The following PRKG1 variants were observed in gnomAD, a reference collection of about 807,000 sequenced individuals.
The protein encoded by PRKG1 is cGMP-dependent protein kinase 1.
A neutral mutation model predicts 88.1 loss-of-function variants in PRKG1; 35 were observed. The ratio of observed to expected loss-of-function variants is 0.40; its 90% CI spans 0.30 to 0.53. The LOEUF is 0.53. Ranked by LOEUF, PRKG1 falls within the 20% of genes least tolerant of loss-of-function variation. The pLI is 0.59. For synonymous variants in PRKG1, 303 were observed against 292.5 expected (o/e 1.04, Z -0.37); for missense variants, 540 against 839.8 (o/e 0.64, Z 4.41).
At chr10:52,012,543 C>T (rs574209366) in intron 5 of PRKG1, among the ~76,000 whole-genome samples, 246 of 151,916 alleles carry the variant, frequency 1.6e-3, no homozygotes, top group Non-Finnish European at 2.5e-3. Flanking sequence ...CGCCCAGCCG[C>T]GCCCAGCTAA....
rs563892175 is a variant in PRKG1, at chr10:51,691,363, A to G, written c.593-113222A>G. ...TGCTCTGTCACCCAGGCTGGAGTGC[A>G]GTGGCGAGATCCCGGCTCACTGCAG... On this transcript the variant is annotated intron_variant, in intron 3 of 17. Transcript: ENST00000373980. Among the ~76,000 whole-genome samples, 275 of 146,546 alleles carry G rather than the reference A, an allele frequency of 1.9e-3. 1 individual carries two copies. Among genetic ancestry groups the G allele is most frequent in the Middle Eastern group, 0.018 (5 of 278 alleles).
chr10:51,525,560 T>TG (rs1282594167), intron 3 of PRKG1, among the ~76,000 whole-genome samples: 1 of 151,948 alleles, frequency 6.6e-6, no homozygotes, highest in Non-Finnish European at 1.5e-5. Flanking sequence ...TAGCCGGGTG[T>TG]GGTGGCGGGG....
rs567706329 is a variant in PRKG1, at chr10:52,239,790, G to A, written c.1077-11780G>A. On this transcript the variant is annotated intron_variant, in intron 9 of 17. Coordinates refer to ENST00000373980, the MANE Select transcript of PRKG1 (RefSeq NM_006258.4). ...TTCCCAAACTTCTGTAACGAGTGAT[G>A]GATATGCTCAGAGAAGCAATTATTA... Among the ~76,000 whole-genome samples, 11 of 152,182 alleles carry A rather than the reference G, an allele frequency of 7.2e-5. No individual in the cohort carries two copies. The South Asian group carries it at 1.9e-3, about 26-fold the overall frequency.
chr10:51,091,323 A>G (rs1293110692), intron 1 of PRKG1, among the ~76,000 whole-genome samples: 1 of 152,132 alleles, frequency 6.6e-6, no homozygotes, highest in Non-Finnish European at 1.5e-5. Context: ...ACCACAATCC[A>G]GTTTTGGAAC....
chr10:52,195,582 G>A (rs1390184631), intron 9 of PRKG1, among the ~76,000 whole-genome samples: 1 of 152,052 alleles, frequency 6.6e-6, no homozygotes, highest in East Asian at 1.9e-4. Flanking sequence ...ACACAAGCGT[G>A]TTTTTAAAAA....
intron 5 of PRKG1, among the ~76,000 whole-genome samples, chr10:52,038,900 A>G (rs950838002): frequency 3.3e-5 from 5 of 152,052 alleles, no homozygotes; most frequent in African/African-American, 1.2e-4. Flanking sequence ...TGAAGAGTGG[A>G]AAGAAGAAAG....
chr10:51,357,746 ATATAT>A (rs1269161355), intron 2 of PRKG1, among the ~76,000 whole-genome samples: 2 of 151,888 alleles, frequency 1.3e-5, no homozygotes, highest in African/African-American at 4.8e-5. Flanking sequence ...TCCTCCTTTG[ATATAT>A]TATAGCCCTA....
chr10:51,324,546 T>C (rs899752106), intron 2 of PRKG1, among the ~76,000 whole-genome samples: 8 of 132,350 alleles, frequency 6.0e-5, no homozygotes, highest in Non-Finnish European at 1.2e-4. Context: ...TCTAACACGA[T>C]GAAACCCCGT....
chr10:51,396,253 T>A (rs1172981931), intron 2 of PRKG1, among the ~76,000 whole-genome samples: 2 of 151,992 alleles, frequency 1.3e-5, no homozygotes, highest in African/African-American at 4.8e-5. Context: ...AAGGTGTAAT[T>A]AACTGGGCGT....
intron 9 of PRKG1, chr10:52,230,913 T>G (rs965290090): frequency 3.3e-5 from 5 of 152,228 alleles, no homozygotes; most frequent in Non-Finnish European, 2.9e-5. Context: ...TTCTGCTACA[T>G]AGATTATGCC....
At chr10:51,618,045 G>A (rs1839108433) in intron 3 of PRKG1, among the ~76,000 whole-genome samples, 1 of 152,152 alleles carries the variant, frequency 6.6e-6, no homozygotes, top group Admixed American at 6.5e-5. Context: ...AATTGTATCT[G>A]TCCCAAGAGA....
intron 2 of PRKG1, among the ~76,000 whole-genome samples, chr10:51,248,427 C>G (rs1023642747): frequency 6.6e-6 from 1 of 151,800 alleles, no homozygotes; most frequent in Non-Finnish European, 1.5e-5. Context: ...CTCTTTTAGA[C>G]CTGCAATTCA....
rs888255105 is a variant in PRKG1 at position 51,482,746 on chromosome 10, T to C, written c.592+14910T>C. Among the ~76,000 whole-genome samples, 4 of 152,120 alleles carry C rather than the reference T, an allele frequency of 2.6e-5. No individual in the cohort carries two copies. The East Asian group carries it at 7.7e-4, about 29-fold the overall frequency. On this transcript the variant is annotated intron_variant, in intron 3 of 17. Transcript: ENST00000373980. ...TCCAGTCTGGGTTGAAAATTGAATA[T>C]ACTTTGGGCCTTAACAAGCAGCTTA... is the stretch of plus-strand genomic sequence containing the variant.
chr10:51,293,486 A>ATTTTGTTTTTTTGTTTTCTATTT (rs1371874789), intron 2 of PRKG1, among the ~76,000 whole-genome samples: 3 of 151,944 alleles, frequency 2.0e-5, no homozygotes, highest in African/African-American at 7.3e-5. Flanking sequence ...TTGTCTTTCT[A>ATTTTGTTTTTTTGTTTTCTATTT]TGTTTGGCTT....
intron 1 of PRKG1, among the ~76,000 whole-genome samples, chr10:51,101,205 G>A (rs1170178160): frequency 2.0e-5 from 3 of 152,110 alleles, no homozygotes; most frequent in South Asian, 2.1e-4. Context: ...CATCATAAAG[G>A]TGAGGCCCTG....
intron 5 of PRKG1, among the ~76,000 whole-genome samples, chr10:51,940,864 A>G (rs1842892343): frequency 6.6e-6 from 1 of 152,002 alleles, no homozygotes; most frequent in Non-Finnish European, 1.5e-5. Flanking sequence ...TCATCAGATC[A>G]CAGTAGATAT....
chr10:51,865,919 A>T (rs1360659084), intron 4 of PRKG1, among the ~76,000 whole-genome samples: 1 of 152,018 alleles, frequency 6.6e-6, no homozygotes, highest in African/African-American at 2.4e-5. Context: ...ATAAATATAT[A>T]GATTAAATAA....
chr10:52,249,354 AG>A (rs1841114159), intron 9 of PRKG1, among the ~76,000 whole-genome samples: 1 of 151,930 alleles, frequency 6.6e-6, no homozygotes, highest in African/African-American at 2.4e-5. Context: ...ATAGAACTAT[AG>A]GTTTTAACTC....
intron 4 of PRKG1, among the ~76,000 whole-genome samples, chr10:51,869,665 T>G (rs1260128826): frequency 1.3e-5 from 2 of 152,166 alleles, no homozygotes; most frequent in Non-Finnish European, 2.9e-5. Context: ...CAACATTATG[T>G]GCATACTTAT....
Sources: gnomAD v4.1 joint callset for allele counts (sites outside exome capture counted in the v4.1 genomes callset) on GRCh38, gnomAD v4.1.1 for gene constraint, MANE v1.5 for transcripts, NCBI Gene and HGNC (gene_info 2026-07-23, HGNC 2026-07-21) for gene names.